SPATA17: variants seen among roughly 807,000 people sequenced by gnomAD.
The protein encoded by SPATA17 is spermatogenesis associated 17.
A neutral mutation model predicts 62.2 loss-of-function variants in SPATA17; 53 were observed. The observed-to-expected ratio is 0.85, with a 90% CI of 0.68 to 1.07. The LOEUF (loss-of-function observed/expected upper bound fraction) is 1.07. Ranked by LOEUF, SPATA17 falls within the 50% of genes least tolerant of loss-of-function variation. SPATA17 has a pLI of 0.00. For synonymous variants in SPATA17, 146 were observed against 146.8 expected (o/e 0.99, Z 0.04); for missense variants, 466 against 425.5 (o/e 1.10, Z -0.84).
In SPATA17 at chr1:217,706,011, A is replaced by G. The variant is rs188095493; in HGVS notation, c.395+22650A>G. ...CTTTCCCCATTGCTTCTTTTTGTTG[A>G]TGGTTGTAGGTGTGCAGCGTTATTT... On this transcript the variant is annotated intron_variant, in intron 5 of 10. Transcript: ENST00000366933. 1.4e-3 allele frequency among the ~76,000 whole-genome samples: 207 copies of G among 151,982 alleles called. 1 individual carries two copies. The highest frequency in any genetic ancestry group is 2.3e-3 in the Non-Finnish European group (153 of 67,926).
At chr1:217,704,754 G>A (rs567565963) in intron 5 of SPATA17, among the ~76,000 whole-genome samples, 1 of 152,110 alleles carries the variant, frequency 6.6e-6, no homozygotes, top group Non-Finnish European at 1.5e-5. Context: ...AAATGTGTGG[G>A]TAGTTTTCCA....
chr1:217,649,988 G>T (rs1670273054), intron 2 of SPATA17, among the ~76,000 whole-genome samples: 1 of 140,512 alleles, frequency 7.1e-6, no homozygotes, highest in Non-Finnish European at 1.5e-5. Context: ...TGTCCAGGCT[G>T]CAGTGCAATG....
At chr1:217,765,671 G>T (rs1187981885) in intron 6 of SPATA17, among the ~76,000 whole-genome samples, 3 of 151,794 alleles carry the variant, frequency 2.0e-5, no homozygotes, top group Non-Finnish European at 4.4e-5. Flanking sequence ...GTGTTTTATG[G>T]CCCAGGATGA....
chr1:217,712,129 TTTTG>T (rs1429426647), intron 5 of SPATA17, among the ~76,000 whole-genome samples: 643 of 53,574 alleles, frequency 0.012, 19 homozygotes, highest in African/African-American at 0.032. Flanking sequence ...CAATATGTTC[TTTTG>T]TTTTTTTTTT....
intron 8 of SPATA17, among the ~76,000 whole-genome samples, chr1:217,796,647 T>C (rs1465149170): frequency 6.6e-6 from 1 of 152,214 alleles, no homozygotes; most frequent in Non-Finnish European, 1.5e-5. Context: ...ACTGTGTGTA[T>C]TAAGCGCTTA....
intron 5 of SPATA17, among the ~76,000 whole-genome samples, chr1:217,708,395 T>C (rs1218379245): frequency 6.6e-6 from 1 of 151,940 alleles, no homozygotes; most frequent in African/African-American, 2.4e-5. Flanking sequence ...CCCACAGAAA[T>C]ACAGAAAACC....
At chr1:217,790,854 C>T (rs1673980874) in intron 8 of SPATA17, among the ~76,000 whole-genome samples, 1 of 152,294 alleles carries the variant, frequency 6.6e-6, no homozygotes, top group East Asian at 1.9e-4. Context: ...TTAGAAAGGA[C>T]ATTTTACAAT....
chr1:217,782,379 A>C (rs1301970102), intron 8 of SPATA17, 57 bp downstream of exon 8: 2 of 1,500,212 alleles, frequency 1.3e-6, no homozygotes, highest in East Asian at 4.8e-5. Context: ...TAAATTTTCT[A>C]ATTTTTTTAT....
intron 5 of SPATA17, among the ~76,000 whole-genome samples, chr1:217,732,313 C>T (rs1300365676): frequency 2.0e-5 from 3 of 152,156 alleles, no homozygotes; most frequent in Non-Finnish European, 2.9e-5. Flanking sequence ...TATGTTATTA[C>T]TGCTTTATGT....
intron 6 of SPATA17, among the ~76,000 whole-genome samples, chr1:217,772,443 T>G (rs72728847): frequency 6.6e-6 from 1 of 152,152 alleles, no homozygotes; most frequent in Non-Finnish European, 1.5e-5. Flanking sequence ...TAAAATTTAG[T>G]CTCCAATTAA....
At chr1:217,663,514 T>A (rs1670615529) in intron 3 of SPATA17, among the ~76,000 whole-genome samples, 1 of 151,904 alleles carries the variant, frequency 6.6e-6, no homozygotes, top group Admixed American at 6.6e-5. Flanking sequence ...AGGCAAAGCA[T>A]ATGCACAAAA....
chr1:217,857,759 C>T (rs1366804051), intron 9 of SPATA17, among the ~76,000 whole-genome samples: 1 of 152,140 alleles, frequency 6.6e-6, no homozygotes, highest in Non-Finnish European at 1.5e-5. Context: ...TATTGGTTGA[C>T]TAGAGCTATG....
At position 217,870,136 on chromosome 1, in the gene SPATA17, C is replaced by G. The variant is rs1338550903; in HGVS notation, c.*3117C>G. On this transcript the variant is annotated 3_prime_UTR_variant, in exon 11 of 11. Transcript: ENST00000366933. ...GTGAAGCCATTTCCTCCCACATGTT[C>G]GTAAAAATGGTAGCCATGGCCCCTG... The G allele has an allele frequency of 1.3e-5, 2 of 152,206 alleles. No individual in the cohort carries two copies. The highest frequency in any genetic ancestry group is 2.9e-5 in the Non-Finnish European group (2 of 68,016). The allele number at this position is 152,206 out of a possible 1,614,324, so 9.4% of individuals were successfully genotyped here. A position where few individuals can be genotyped will look rare whatever the true frequency, so the allele number is the denominator to read the frequency against.
chr1:217,653,227 T>A (rs1358995085), intron 3 of SPATA17, among the ~76,000 whole-genome samples: 1 of 152,192 alleles, frequency 6.6e-6, no homozygotes, highest in African/African-American at 2.4e-5. Flanking sequence ...TTGAAGCTTG[T>A]CTTTCTTAGA....
At chr1:217,779,341 ACTAAT>A (rs1417110208) in intron 7 of SPATA17, among the ~76,000 whole-genome samples, 1 of 151,668 alleles carries the variant, frequency 6.6e-6, no homozygotes, top group East Asian at 1.9e-4. Context: ...AATGATCCCT[ACTAAT>A]CTATTCTCTT....
At chr1:217,747,786 G>T (rs1305750690) in intron 6 of SPATA17, among the ~76,000 whole-genome samples, 1 of 152,004 alleles carries the variant, frequency 6.6e-6, no homozygotes, top group Non-Finnish European at 1.5e-5. Flanking sequence ...TAATTTATAC[G>T]ATAGATTTTT....
chr1:217,637,591 T>C (rs1189137484), intron 1 of SPATA17, among the ~76,000 whole-genome samples: 1 of 152,222 alleles, frequency 6.6e-6, no homozygotes, highest in Admixed American at 6.5e-5. Flanking sequence ...AATTTGTTTC[T>C]GACTCTGACA....
chr1:217,668,354 T>C lies in SPATA17; in HGVS notation c.241-679T>C, dbSNP rs544111526. On this transcript the variant is annotated intron_variant, in intron 3 of 10. Coordinates refer to ENST00000366933, the MANE Select transcript of SPATA17 (RefSeq NM_138796.4). The stretch of plus-strand genomic sequence containing the variant: ...TGTAACAGAAATTTGTATATTAATA[T>C]GTAGATGTGTCTTTACTAGAGAGAA... Among the ~76,000 whole-genome samples, 5 of 152,312 alleles carry C rather than the reference T, an allele frequency of 3.3e-5. No individual in the cohort carries two copies. In the East Asian group the frequency reaches 9.6e-4, roughly 29 times the overall value.
At chr1:217,852,550 G>T (rs1047116162) in intron 9 of SPATA17, among the ~76,000 whole-genome samples, 58 of 152,282 alleles carry the variant, frequency 3.8e-4, no homozygotes, top group African/African-American at 1.3e-3. Flanking sequence ...CACATGCAAA[G>T]CTATGGTGCC....
Sources: allele counts gnomAD v4.1 joint callset (sites outside exome capture counted in the v4.1 genomes callset), GRCh38; gene constraint gnomAD v4.1.1; transcripts MANE v1.5; gene names NCBI Gene and HGNC (gene_info 2026-07-23, HGNC 2026-07-21).